Variants in NSUN6 observed in about 807,000 individuals in gnomAD.
NSUN6 encodes the protein NOP2/Sun RNA methyltransferase 6.
NSUN6 carries 64 observed loss-of-function variants against 58.0 expected under a neutral mutation model. The observed-to-expected ratio is 1.10, with a 90% CI of 0.90 to 1.36. The LOEUF (loss-of-function observed/expected upper bound fraction) is 1.36, where lower values mean the gene tolerates loss of function less well. NSUN6 is among the 40% of genes most tolerant of loss of function. The probability of loss-of-function intolerance (pLI) is 0.00; values close to 1 mark genes in which losing one functional copy is unlikely to be tolerated. For synonymous variants in NSUN6, 231 were observed against 193.9 expected (o/e 1.19, Z -1.59); for missense variants, 701 against 550.1 (o/e 1.27, Z -2.74).
intron 7 of NSUN6, among the ~76,000 whole-genome samples, chr10:18,594,211 A>AG (rs1323457001): frequency 3.3e-5 from 5 of 151,794 alleles, no homozygotes; most frequent in East Asian, 3.9e-4. Flanking sequence ...AAAAAAAAAA[A>AG]AAAGAAAGCA....
intron 7 of NSUN6, among the ~76,000 whole-genome samples, chr10:18,589,220 A>T (rs1265362512): frequency 1.3e-5 from 2 of 152,230 alleles, no homozygotes; most frequent in South Asian, 2.1e-4. Context: ...AGATTAGAGA[A>T]AAAACAATGA....
chr10:18,577,858 T>TAA (rs1490113307), intron 8 of NSUN6, among the ~76,000 whole-genome samples: 1 of 152,176 alleles, frequency 6.6e-6, no homozygotes, highest in Non-Finnish European at 1.5e-5. Flanking sequence ...TCATTCTCTT[T>TAA]AAATTAGCCA....
chr10:18,566,016 CT>C (rs2055904696), intron 8 of NSUN6, among the ~76,000 whole-genome samples: 1 of 151,274 alleles, frequency 6.6e-6, no homozygotes, highest in South Asian at 2.1e-4. Flanking sequence ...ATTCCATTCT[CT>C]ATTCCATTCC....
At chr10:18,648,718 C>T in intron 1 of NSUN6, 73 bp from the exon 2 acceptor site, 1 of 808,960 alleles carries the variant, frequency 1.2e-6, no homozygotes, top group South Asian at 1.7e-5. Context: ...ATATTAATTC[C>T]ATCTAATGAA....
chr10:18,589,524 T>TA (rs1329229522), intron 7 of NSUN6, among the ~76,000 whole-genome samples: 1 of 152,124 alleles, frequency 6.6e-6, no homozygotes, highest in African/African-American at 2.4e-5. Context: ...TCAGGTCACC[T>TA]ACAAAGGGAA....
At chr10:18,577,401 G>A (rs1455587413) in intron 8 of NSUN6, among the ~76,000 whole-genome samples, 2 of 152,104 alleles carry the variant, frequency 1.3e-5, no homozygotes, top group East Asian at 3.9e-4. Context: ...AGGAATAATA[G>A]CCTCAATTCT....
intron 3 of NSUN6, among the ~76,000 whole-genome samples, chr10:18,622,613 G>A (rs2058650391): frequency 1.3e-5 from 2 of 152,222 alleles, no homozygotes; most frequent in South Asian, 2.1e-4. Context: ...AGGAGGCTGA[G>A]GCAGGATAAT....
chr10:18,551,291 T>TGTGTGTGTGTGG (rs1230236829), intron 9 of NSUN6, among the ~76,000 whole-genome samples: 30 of 149,004 alleles, frequency 2.0e-4, no homozygotes, highest in African/African-American at 6.7e-4. Context: ...TGTGTGTGTG[T>TGTGTGTGTGTGG]GGTAAAATAT....
intron 8 of NSUN6, among the ~76,000 whole-genome samples, chr10:18,571,312 C>G (rs1310532683): frequency 2.7e-5 from 4 of 150,772 alleles, no homozygotes; most frequent in Admixed American, 1.3e-4. Context: ...CATTCCATTC[C>G]CTTCTTTTCT....
rs35396134 is a variant in NSUN6 at position 18,551,244 on chromosome 10, T to TTGTGTGTGTGTGTGTGTGTG, written c.1071+559_1071+578dup. 8.4e-4 allele frequency among the ~76,000 whole-genome samples: 107 copies of TTGTGTGTGTGTGTGTGTGTG among 127,170 alleles called. 2 individuals carry two copies. Among genetic ancestry groups the TTGTGTGTGTGTGTGTGTGTG allele is most frequent in the East Asian group, 2.7e-3 (10 of 3,772 alleles). The allele number at this position is 127,170 out of a possible 152,430, so 83.4% of individuals were successfully genotyped here. A position where few individuals can be genotyped will look rare whatever the true frequency, so the allele number is the denominator to read the frequency against. On this transcript the variant is annotated intron_variant, in intron 9 of 10. Transcript: ENST00000377304. ...TATATTTAAAACTAGGTCCTCTCAG[T>TTGTGTGTGTGTGTGTGTGTG]TGTGTGTGTGTGTGTGTGTGTGTGT...
intron 3 of NSUN6, among the ~76,000 whole-genome samples, chr10:18,628,720 A>C (rs2058918603): frequency 6.6e-6 from 1 of 152,210 alleles, no homozygotes; most frequent in African/African-American, 2.4e-5. Context: ...GAATAAAAAG[A>C]AATGAGGAAA....
intron 3 of NSUN6, among the ~76,000 whole-genome samples, chr10:18,628,494 T>C (rs145097003): frequency 1.8e-3 from 277 of 152,252 alleles, no homozygotes; most frequent in African/African-American, 6.3e-3. Context: ...GGCATTGAAG[T>C]TGAAAACTTT....
At chr10:18,637,643 C>A (rs891567471) in intron 3 of NSUN6, among the ~76,000 whole-genome samples, 9 of 152,188 alleles carry the variant, frequency 5.9e-5, no homozygotes, top group African/African-American at 2.2e-4. Context: ...GTTTGTTCTG[C>A]AGACATGCTT....
intron 5 of NSUN6, among the ~76,000 whole-genome samples, chr10:18,614,053 ATTTATT>A (rs2058327338): frequency 6.6e-6 from 1 of 152,144 alleles, no homozygotes; most frequent in African/African-American, 2.4e-5. Context: ...TTCTGGTAAA[ATTTATT>A]TTTAATTAAA....
intron 6 of NSUN6, among the ~76,000 whole-genome samples, chr10:18,596,960 T>C (rs2057612496): frequency 6.6e-6 from 1 of 152,180 alleles, no homozygotes; most frequent in African/African-American, 2.4e-5. Flanking sequence ...TCATTTAAGA[T>C]GCCTTGTTTT....
intron 5 of NSUN6, among the ~76,000 whole-genome samples, chr10:18,611,959 A>G (rs1349080866): frequency 6.6e-6 from 1 of 152,058 alleles, no homozygotes; most frequent in African/African-American, 2.4e-5. Flanking sequence ...TCATTTGTTT[A>G]CCACTTGAAA....
intron 8 of NSUN6, among the ~76,000 whole-genome samples, chr10:18,576,368 C>G (rs1404907132): frequency 6.6e-6 from 1 of 152,026 alleles, no homozygotes; most frequent in Non-Finnish European, 1.5e-5. Flanking sequence ...ACCATTTAAT[C>G]CAGGGAGATT....
intron 7 of NSUN6, among the ~76,000 whole-genome samples, chr10:18,587,775 T>C (rs1038411725): frequency 2.0e-5 from 3 of 152,124 alleles, no homozygotes; most frequent in African/African-American, 7.2e-5. Flanking sequence ...CCATGGTTTT[T>C]GCAATCCACA....
At chr10:18,612,570 C>A (rs1334168666) in intron 5 of NSUN6, among the ~76,000 whole-genome samples, 1 of 152,154 alleles carries the variant, frequency 6.6e-6, no homozygotes, top group Non-Finnish European at 1.5e-5. Context: ...GGACTCCAGT[C>A]CTCTAAAAAA....
Sources: gnomAD v4.1 joint callset for allele counts (sites outside exome capture counted in the v4.1 genomes callset) on GRCh38, gnomAD v4.1.1 for gene constraint, MANE v1.5 for transcripts, NCBI Gene and HGNC (gene_info 2026-07-23, HGNC 2026-07-21) for gene names.